PLCH2: variants seen among roughly 807,000 people sequenced by gnomAD.
PLCH2 encodes phospholipase C eta 2.
In PLCH2, 98 loss-of-function variants were observed where a neutral mutation model predicts 134.7. That is an observed-to-expected ratio of 0.73 (90% CI 0.62 to 0.86). PLCH2 has a LOEUF of 0.86. Among genes scored for constraint, PLCH2 ranks in the 40% least tolerant of loss-of-function variants. The pLI is 0.00. For synonymous variants in PLCH2, 974 were observed against 827.5 expected, an observed-to-expected ratio of 1.18 and a Z score of -3.04; for missense variants, 1,994 against 1,986.6, an observed-to-expected ratio of 1.00 and a Z score of -0.07.
rs779976164 is a variant in PLCH2, at chr1:2,480,320, G to A, written c.645+8G>A. On this transcript the variant is annotated splice_region_variant and intron_variant, in intron 4 of 21. Coordinates refer to ENST00000378486, the MANE Select transcript of PLCH2 (RefSeq NM_014638.4). ...GTGAAGCAGATGTTCAGGGTGAGCT[G>A]GGGGGAGCCCTACCTGGGCTCCAGA... The A allele has an allele frequency of 6.2e-6, 10 of 1,609,472 alleles. No individual in the cohort carries two copies. The highest frequency in any genetic ancestry group is 8.5e-6 in the Non-Finnish European group (10 of 1,177,740).
chr1:2,476,955 G>A (rs1010242982), intron 1 of PLCH2, among the ~76,000 whole-genome samples: 2 of 152,212 alleles, frequency 1.3e-5, no homozygotes, highest in Non-Finnish European at 2.9e-5. Flanking sequence ...AGGGCCTGGG[G>A]GCTGAACCCA....
At chr1:2,487,524 T>A in intron 7 of PLCH2, 74 bp from the exon 8 acceptor site, 13 of 1,547,624 alleles carry the variant, frequency 8.4e-6, no homozygotes, top group Non-Finnish European at 1.1e-5. Context: ...AGGCCCTCTT[T>A]TGGTCGAAGC....
chr1:2,466,235 G>C (rs1411328067), upstream of PLCH2, among the ~76,000 whole-genome samples: 1 of 152,134 alleles, frequency 6.6e-6, no homozygotes, highest in Non-Finnish European at 1.5e-5. Context: ...TCTCGCAGCT[G>C]TGCCCAGCCA....
chr1:2,441,110 C>T (rs1639672770), intron 2 of PLCH2, among the ~76,000 whole-genome samples: 1 of 152,176 alleles, frequency 6.6e-6, no homozygotes, highest in Non-Finnish European at 1.5e-5. Context: ...CTGACTGCAC[C>T]TGGCTCCAGG....
At chr1:2,425,276 C>A (rs912296154), upstream of PLCH2, among the ~76,000 whole-genome samples, 2 of 151,592 alleles carry the variant, frequency 1.3e-5, no homozygotes, top group African/African-American at 4.9e-5. Flanking sequence ...CATATACACA[C>A]ACATATATAC....
chr1:2,424,657 C>A (rs1011951292), upstream of PLCH2, among the ~76,000 whole-genome samples: 2 of 152,100 alleles, frequency 1.3e-5, no homozygotes, highest in African/African-American at 4.8e-5. Flanking sequence ...TTGAGACCAG[C>A]CTGGCCAACA....
chr1:2,492,879 G>C (rs1038465721), intron 11 of PLCH2, among the ~76,000 whole-genome samples: 14 of 152,160 alleles, frequency 9.2e-5, no homozygotes, highest in African/African-American at 3.4e-4. Flanking sequence ...GGGGGCAGCA[G>C]GAATGGGTAT....
chr1:2,495,046 T>G, intron 12 of PLCH2, 98 bp downstream of exon 12: 1 of 819,296 alleles, frequency 1.2e-6, no homozygotes, highest in Non-Finnish European at 1.9e-6. Context: ...CCCCGTGTCC[T>G]CCCTGCTCCC....
chr1:2,503,923 C>A lies in PLCH2; in HGVS notation c.2961C>A (p.Asp987Glu). 2 of 876,026 alleles carry A rather than the reference C, an allele frequency of 2.3e-6. No homozygotes were observed. The highest frequency in any genetic ancestry group is 1.8e-6 in the Non-Finnish European group (1 of 563,998). 54.3% of individuals were successfully genotyped at this position (876,026 alleles called of 1,614,324 possible). ...TCTCACTCCCCCACCTCCCCACAGACACCCGCCCCCTCTCCACGCAGCGGC... is the reference window on the plus strand; with the variant it reads ...TCTCACTCCCCCACCTCCCCACAGAAACCCGCCCCCTCTCCACGCAGCGGC... ...QEGPGSGSPR[D>E]TRPLSTQRPL... The change falls in exon 22 of 22, where the codon GAC becomes GAA. Residue 987 changes from aspartate to glutamate, a missense_variant and splice_region_variant. By Grantham distance (45) the Asp-to-Glu change is conservative. Around this residue, in one of 2 missense-constraint regions of PLCH2, gnomAD observed 900 missense variants for 752.3 expected, o/e 1.20. Coordinates refer to ENST00000378486, the MANE Select transcript of PLCH2 (RefSeq NM_014638.4).
chr1:2,415,990 G>A, the PLCH2 span, among the ~76,000 whole-genome samples: 4 of 152,222 alleles, frequency 2.6e-5, no homozygotes, highest in Non-Finnish European at 4.4e-5. Context: ...GGGAGGAGAG[G>A]GAGCTCGGGG....
At chr1:2,484,640 T>C in intron 5 of PLCH2, 22 bp downstream of exon 5, 1 of 1,606,624 alleles carries the variant, frequency 6.2e-7, no homozygotes, top group Non-Finnish European at 8.5e-7. Flanking sequence ...GGGGCAGGTG[T>C]TGGGGGGCCA....
At position 2,504,581 on chromosome 1, in the gene PLCH2, C is replaced by T. The variant is rs576797717; in HGVS notation, c.3619C>T (p.Arg1207Trp). The T allele has an allele frequency of 7.4e-6, 12 of 1,612,778 alleles. No homozygotes were observed. Among genetic ancestry groups the T allele is most frequent in the South Asian group, 5.5e-5 (5 of 91,092 alleles). Residue 1207 changes from arginine to tryptophan, a missense_variant, in exon 22 of 22, where the codon CGG becomes TGG. Transcript: ENST00000378486. Reference sequence around the variant, plus strand: ...CAAGAGCAAATCCAACCCCAACCTTCGGGCTACAGGCCAGCGGCCTCCCAT... The same window carrying T: ...CAAGAGCAAATCCAACCCCAACCTTTGGGCTACAGGCCAGCGGCCTCCCAT... The part of the protein sequence containing the change: ...VTKSKSNPNL[R>W]ATGQRPPIPD...
intron 2 of PLCH2, among the ~76,000 whole-genome samples, chr1:2,434,845 G>A (rs559960798): frequency 5.9e-5 from 9 of 152,302 alleles, no homozygotes; most frequent in African/African-American, 1.4e-4. Context: ...AACCACCCCC[G>A]GGCAGAATCA....
rs199597580 is a variant in PLCH2, at chr1:2,504,821, C to T, written c.3859C>T (p.Arg1287Trp). 2.0e-4 allele frequency: 316 copies of T among 1,609,562 alleles called. No homozygotes were observed. The highest frequency in any genetic ancestry group is 2.3e-4 in the Non-Finnish European group (268 of 1,178,710). Residue 1287 changes from arginine to tryptophan, a missense_variant, in exon 22 of 22, where the codon CGG becomes TGG. Transcript: ENST00000378486. The part of the protein sequence containing the change: ...SHSLGLPGGT[R>W]RVSGPGVRRD... ...CAGCCTGGGCCTCCCGGGAGGGACA[C>T]GGCGGGTGTCGGGGCCAGGGGTGAG...
intron 6 of PLCH2, 74 bp downstream of exon 6, chr1:2,487,074 G>T (rs552099963): frequency 1.5e-5 from 23 of 1,502,076 alleles, no homozygotes; most frequent in Non-Finnish European, 2.1e-5. Context: ...CCTGTGGGCC[G>T]GGACAGGTGT....
intron 1 of PLCH2, among the ~76,000 whole-genome samples, chr1:2,477,821 G>A (rs1049081074): frequency 3.3e-5 from 5 of 152,210 alleles, no homozygotes; most frequent in African/African-American, 9.6e-5. Flanking sequence ...GGCACCATTC[G>A]TGGCGCTTGT....
At position 2,504,517 on chromosome 1, in the gene PLCH2, C is replaced by A. The variant is rs781013335; in HGVS notation, c.3555C>A (p.His1185Gln). The A allele has an allele frequency of 1.2e-6, 2 of 1,612,386 alleles. No homozygotes were observed. Among genetic ancestry groups the A allele is most frequent in the African/African-American group, 2.7e-5 (2 of 74,930 alleles). The change falls in exon 22 of 22, where the codon CAC becomes CAA. Residue 1185 changes from histidine to glutamine, a missense_variant. By Grantham distance (24) the His-to-Gln change is conservative. Around this residue, in one of 2 missense-constraint regions of PLCH2, gnomAD observed 900 missense variants for 752.3 expected, o/e 1.20. Transcript: ENST00000378486. Reference sequence around the variant, plus strand: ...TGGGACGCCTGCCCCCCAGGCCCCACTCGGCTTCGGCTGCCCGCCCAGACC... The same window carrying A: ...TGGGACGCCTGCCCCCCAGGCCCCAATCGGCTTCGGCTGCCCGCCCAGACC... ...AHMGRLPPRP[H>Q]SASAARPDLP...
At chr1:2,460,824 G>A (rs1640772683) in intron 2 of PLCH2, among the ~76,000 whole-genome samples, 1 of 152,174 alleles carries the variant, frequency 6.6e-6, no homozygotes, top group Non-Finnish European at 1.5e-5. Flanking sequence ...TGTGGACTTA[G>A]CAGGTCTCAC....
At chr1:2,499,577 G>C in intron 19 of PLCH2, 64 bp from the exon 20 acceptor site, 4 of 1,216,756 alleles carry the variant, frequency 3.3e-6, no homozygotes, top group South Asian at 2.6e-5. Flanking sequence ...AGAATGGGGG[G>C]CAGAGCAGGT....
Sources: gnomAD v4.1 joint callset for allele counts (sites outside exome capture counted in the v4.1 genomes callset) on GRCh38, gnomAD v4.1.1 for gene constraint, gnomAD v4.1.1 regional missense constraint, MANE v1.5 for transcripts, NCBI Gene and HGNC (gene_info 2026-07-23, HGNC 2026-07-21) for gene names.